The following EPS8 variants were observed in gnomAD, a reference collection of about 807,000 sequenced individuals.
EPS8 encodes the protein epidermal growth factor receptor kinase substrate 8.
Under a neutral mutation model 103.8 loss-of-function variants are expected in EPS8, and 42 were observed. The observed-to-expected ratio is 0.40, with a 90% CI of 0.32 to 0.52. EPS8 has a LOEUF of 0.52. EPS8 is among the 20% of genes least tolerant of loss of function. EPS8 has a pLI of 0.40. For synonymous variants in EPS8, 344 were observed against 344.6 expected (o/e 1.00, Z 0.02); for missense variants, 969 against 1,005.1 (o/e 0.96, Z 0.49).
chr12:15,729,111 T>A (rs566049791), intron 1 of EPS8, among the ~76,000 whole-genome samples: 13 of 152,340 alleles, frequency 8.5e-5, no homozygotes, highest in African/African-American at 2.9e-4. Context: ...AGATGTCCGA[T>A]GTAATTCTTA....
intron 1 of EPS8, among the ~76,000 whole-genome samples, chr12:15,709,695 G>T (rs991493238): frequency 3.3e-5 from 5 of 152,166 alleles, no homozygotes; most frequent in African/African-American, 9.7e-5. Flanking sequence ...CAGAGCAACG[G>T]GAGGGCTTTC....
intron 15 of EPS8, among the ~76,000 whole-genome samples, chr12:15,643,558 C>T (rs1248371097): frequency 6.6e-6 from 1 of 151,710 alleles, no homozygotes; most frequent in Non-Finnish European, 1.5e-5. Flanking sequence ...TGTCCAATAT[C>T]GTGAAACCCC....
chr12:15,670,793 A>G (rs1423163154), intron 4 of EPS8, 63 bp downstream of exon 4: 14 of 1,126,990 alleles, frequency 1.2e-5, no homozygotes, highest in Non-Finnish European at 1.7e-5. Context: ...TTCTGATTTA[A>G]CTTCCAATTT....
intron 3 of EPS8, among the ~76,000 whole-genome samples, chr12:15,676,530 C>T (rs1355416473): frequency 2.0e-5 from 3 of 152,172 alleles, no homozygotes; most frequent in Non-Finnish European, 4.4e-5. Flanking sequence ...AGCTAATGTG[C>T]ATATGCATGA....
intron 3 of EPS8, among the ~76,000 whole-genome samples, chr12:15,675,469 A>T (rs973589183): frequency 6.6e-6 from 1 of 152,136 alleles, no homozygotes; most frequent in Admixed American, 6.5e-5. Flanking sequence ...GTGTGGTGGC[A>T]CACGCCTATA....
At position 15,762,386 on chromosome 12, in the gene EPS8, A is replaced by G. The variant is rs1565534403; in HGVS notation, c.-22+26775T>C. 6.6e-6 allele frequency among the ~76,000 whole-genome samples: 1 copy of G among 152,208 alleles called. No individual in the cohort carries two copies. Among genetic ancestry groups the G allele is most frequent in the Non-Finnish European group, 1.5e-5 (1 of 68,040 alleles). On this transcript the variant is annotated intron_variant, in intron 1 of 20. Coordinates refer to ENST00000281172, the MANE Select transcript of EPS8 (RefSeq NM_004447.6). This position sits in a 1 kb window ranked among gnomAD's most constrained non-coding sequence, Gnocchi z 4.8. ...TGCAGAACAGTTTGGCGGTGCCTCA[A>G]AAAACTAAAAGGAGAGCTACATTAT...
At position 15,700,869 on chromosome 12, in the gene EPS8, T is replaced by C. The variant is rs893023540; in HGVS notation, c.-21-17897A>G. 6.6e-6 allele frequency among the ~76,000 whole-genome samples: 1 copy of C among 152,114 alleles called. No individual in the cohort carries two copies. The highest frequency in any genetic ancestry group is 2.4e-5 in the African/African-American group (1 of 41,410). On this transcript the variant is annotated intron_variant, in intron 1 of 20. Transcript: ENST00000281172. This position sits in a 1 kb window ranked among gnomAD's most constrained non-coding sequence, Gnocchi z 5.1. ...ACTGATTAGACAAAATTGAAGTCTATCACAAAATAGACAAAGGACATATAT... is the reference window on the plus strand; with the variant it reads ...ACTGATTAGACAAAATTGAAGTCTACCACAAAATAGACAAAGGACATATAT...
chr12:15,680,953 G>A (rs1438184349), intron 3 of EPS8, among the ~76,000 whole-genome samples: 1 of 152,008 alleles, frequency 6.6e-6, no homozygotes, highest in African/African-American at 2.4e-5. Context: ...AGTAGTAAAT[G>A]GGAAAAGCCA....
chr12:15,671,103 A>G (rs1303476843), intron 3 of EPS8, among the ~76,000 whole-genome samples, 180 bp from the exon 4 acceptor site: 1 of 152,154 alleles, frequency 6.6e-6, no homozygotes, highest in Non-Finnish European at 1.5e-5. Context: ...AAAAACCACA[A>G]GAAAGTCTAA....
At position 15,669,788 on chromosome 12, in the gene EPS8, A is replaced by G; in HGVS notation, c.242T>C (p.Met81Thr). Reference sequence around the variant, plus strand: ...CCTTATTCCATCATCAACAGTGATCATAGCATCTTTCCGATCCAGGACAAA... The same window carrying G: ...CCTTATTCCATCATCAACAGTGATCGTAGCATCTTTCCGATCCAGGACAAA... ...TTFVLDRKDAMITVDDGIRKL... is the reference protein window; with the variant it reads ...TTFVLDRKDATITVDDGIRKL... The change falls in exon 5 of 21, where the codon ATG becomes ACG. Residue 81 changes from methionine to threonine, a missense_variant. Coordinates refer to ENST00000281172, the MANE Select transcript of EPS8 (RefSeq NM_004447.6). The G allele has an allele frequency of 6.2e-7, 1 of 1,611,080 alleles. No homozygotes were observed. Among genetic ancestry groups the G allele is most frequent in the Non-Finnish European group, 8.5e-7 (1 of 1,179,138 alleles).
chr12:15,631,608 A>C lies in EPS8; in HGVS notation c.1878T>G (p.Pro626=), dbSNP rs34393715. Residue 626 remains proline, a synonymous_variant, in exon 18 of 21, where the codon CCT becomes CCG. Coordinates refer to ENST00000281172, the MANE Select transcript of EPS8 (RefSeq NM_004447.6). The stretch of plus-strand genomic sequence containing the variant: ...CAGGAACAGGAGCTGGTGTTGGAGG[A>C]GGTGATGGAGCAGGGGGAGTATCAG... ...RPADTPPAPS[P]PPTPAPVPVP... is the part of the protein sequence containing the mutation. The C allele has an allele frequency of 1.3e-5, 21 of 1,613,994 alleles. No homozygotes were observed. In the South Asian group the frequency reaches 2.3e-4, roughly 18 times the overall value.
chr12:15,658,481 C>G lies in EPS8; in HGVS notation c.1026+16G>C. 6.8e-7 allele frequency: 1 copy of G among 1,460,848 alleles called. No individual in the cohort carries two copies. The highest frequency in any genetic ancestry group is 1.1e-5 in the South Asian group (1 of 87,238). 90.5% of individuals were successfully genotyped at this position (1,460,848 alleles called of 1,614,324 possible). A position where few individuals can be genotyped will look rare whatever the true frequency, so the allele number is the denominator to read the frequency against. On this transcript the variant is annotated intron_variant, in intron 11 of 20. Coordinates refer to ENST00000281172, the MANE Select transcript of EPS8 (RefSeq NM_004447.6). ...CATTTATTTCTTCTAATTCTATATACATAAATTTCACTTACCAGAAGGTTA... is the reference window on the plus strand; with the variant it reads ...CATTTATTTCTTCTAATTCTATATAGATAAATTTCACTTACCAGAAGGTTA...
chr12:15,758,896 AG>A (rs1201075624), intron 1 of EPS8, among the ~76,000 whole-genome samples: 4 of 152,172 alleles, frequency 2.6e-5, no homozygotes, highest in African/African-American at 9.6e-5. Context: ...CATGTATACA[AG>A]GGGGCAGGGA....
rs908939197 is a variant in EPS8, at chr12:15,706,289, T to G, written c.-21-23317A>C. On this transcript the variant is annotated intron_variant, in intron 1 of 20. Transcript: ENST00000281172. This position sits in a 1 kb window ranked among gnomAD's most constrained non-coding sequence, Gnocchi z 5.2. ...GGAGGAGCCTGGCCTTGCCTTTTCC[T>G]GCGTGGAACCTGGGATTCAAAAGGC... is the stretch of plus-strand genomic sequence containing the variant. Among the ~76,000 whole-genome samples the G allele has an allele frequency of 1.3e-5, 2 of 152,224 alleles. No homozygotes were observed. The highest frequency in any genetic ancestry group is 2.9e-5 in the Non-Finnish European group (2 of 68,030).
rs1946199827 is a variant in EPS8, at chr12:15,693,340, TG to T, written c.-21-10369del. 6.6e-6 allele frequency among the ~76,000 whole-genome samples: 1 copy of T among 152,240 alleles called. No homozygotes were observed. The highest frequency in any genetic ancestry group is 1.5e-5 in the Non-Finnish European group (1 of 68,040). ...CATCTTTCACCCTCTGTCTGTACCT[TG>T]GTATCCCCAACCGAGTTCTCTAGTT... On this transcript the variant is annotated intron_variant, in intron 1 of 20. Transcript: ENST00000281172. This position sits in a 1 kb window ranked among gnomAD's most constrained non-coding sequence, Gnocchi z 5.6.
At chr12:15,647,698 T>A (rs1945343497) in intron 14 of EPS8, among the ~76,000 whole-genome samples, 1 of 152,198 alleles carries the variant, frequency 6.6e-6, no homozygotes. Flanking sequence ...ATCTTGACAG[T>A]CAAGAGTCCA....
chr12:15,700,728 G>A lies in EPS8; in HGVS notation c.-21-17756C>T, dbSNP rs920134936. Among the ~76,000 whole-genome samples, 4 of 152,016 alleles carry A rather than the reference G, an allele frequency of 2.6e-5. No homozygotes were observed. The highest frequency in any genetic ancestry group is 4.4e-5 in the Non-Finnish European group (3 of 68,008). ...AAAGCATGCCTATTTATATCAAGGA[G>A]GTTCAAAACTGACTCAGAGGAAAAA... On this transcript the variant is annotated intron_variant, in intron 1 of 20. Transcript: ENST00000281172. The surrounding 1 kb of genome is among the most constrained non-coding windows in gnomAD (Gnocchi z 5.1).
At chr12:15,726,941 G>C (rs1020904577) in intron 1 of EPS8, among the ~76,000 whole-genome samples, 2 of 152,160 alleles carry the variant, frequency 1.3e-5, no homozygotes, top group Non-Finnish European at 2.9e-5. Flanking sequence ...TTTCATTACT[G>C]AAAGTTATGA....
chr12:15,641,624 T>C (rs1945231836), intron 16 of EPS8, 98 bp downstream of exon 16: 2 of 527,464 alleles, frequency 3.8e-6, no homozygotes, highest in Admixed American at 3.6e-5. Context: ...ACGTCTTTAG[T>C]AATATAATAC....
Sources: gnomAD v4.1 joint callset for allele counts (sites outside exome capture counted in the v4.1 genomes callset) on GRCh38, gnomAD v4.1.1 for gene constraint, Gnocchi (gnomAD v3.1) non-coding constraint, MANE v1.5 for transcripts, NCBI Gene and HGNC (gene_info 2026-07-23, HGNC 2026-07-21) for gene names.